The following TNFRSF11A variants were observed in gnomAD, a reference collection of about 807,000 sequenced individuals.
TNFRSF11A encodes tumor necrosis factor receptor superfamily member 11A.
In TNFRSF11A, 32 loss-of-function variants were observed where a neutral mutation model predicts 55.7. That is an observed-to-expected ratio of 0.57 (90% CI 0.43 to 0.77). TNFRSF11A has a LOEUF of 0.77. Ranked by LOEUF, TNFRSF11A falls within the 30% of genes least tolerant of loss-of-function variation. The probability of loss-of-function intolerance (pLI) is 0.00; values close to 1 mark genes in which losing one functional copy is unlikely to be tolerated. For synonymous variants in TNFRSF11A, 311 were observed against 331.0 expected (o/e 0.94, Z 0.65); for missense variants, 753 against 809.8 (o/e 0.93, Z 0.85).
intron 4 of TNFRSF11A, 52 bp from the exon 5 acceptor site, chr18:62,358,196 G>T: frequency 1.6e-5 from 25 of 1,559,740 alleles, no homozygotes; most frequent in Non-Finnish European, 2.1e-5. Flanking sequence ...AAGTGACCTC[G>T]TTTGTTTTTT....
intron 1 of TNFRSF11A, among the ~76,000 whole-genome samples, chr18:62,337,903 T>A (rs1014713516): frequency 6.6e-6 from 1 of 152,232 alleles, no homozygotes; most frequent in Non-Finnish European, 1.5e-5. Context: ...ATTGGTCGAC[T>A]TTCAGGTTGT....
chr18:62,333,224 G>T (rs1176464385), intron 1 of TNFRSF11A, among the ~76,000 whole-genome samples: 1 of 152,172 alleles, frequency 6.6e-6, no homozygotes, highest in Non-Finnish European at 1.5e-5. Flanking sequence ...ACTCTGCCCT[G>T]AAGCCAGGGG....
At chr18:62,337,845 C>G (rs1325768314) in intron 1 of TNFRSF11A, among the ~76,000 whole-genome samples, 1 of 152,276 alleles carries the variant, frequency 6.6e-6, no homozygotes, top group African/African-American at 2.4e-5. Context: ...TTGTCCCTGG[C>G]GCATAGTATG....
At chr18:62,370,226 T>C (rs762180827) in intron 9 of TNFRSF11A, among the ~76,000 whole-genome samples, 1 of 152,214 alleles carries the variant, frequency 6.6e-6, no homozygotes, top group Admixed American at 6.5e-5. Flanking sequence ...TTTTATTACA[T>C]AGTTACAAAG....
intron 9 of TNFRSF11A, among the ~76,000 whole-genome samples, chr18:62,378,410 A>G (rs1168732463): frequency 6.6e-6 from 1 of 152,240 alleles, no homozygotes; most frequent in Non-Finnish European, 1.5e-5. Context: ...CAGAGCAAAC[A>G]GAAGTTGGTT....
Position 62,386,183 on chromosome 18 carries a change from T to C in TNFRSF11A, c.*1149T>C, listed in dbSNP as rs1911719266. Reference sequence around the variant, plus strand: ...ATTCTTCTTATTCTAGAGGTCTCTCTGGAAAAGATGGAGAAAATGAACAGG... The same window carrying C: ...ATTCTTCTTATTCTAGAGGTCTCTCCGGAAAAGATGGAGAAAATGAACAGG... On this transcript the variant is annotated 3_prime_UTR_variant, in exon 10 of 10. Transcript: ENST00000586569. 1 of 152,046 alleles carries C rather than the reference T, an allele frequency of 6.6e-6. No homozygotes were observed. The highest frequency in any genetic ancestry group is 1.5e-5 in the Non-Finnish European group (1 of 68,020). The allele number at this position is 152,046 out of a possible 1,614,324, so 9.4% of individuals were successfully genotyped here.
chr18:62,360,035 G>GA lies in TNFRSF11A; in HGVS notation c.606dup (p.Pro203ThrfsTer4). ...GTTTGCAGTTCTTCTCTGCCAGCTA[G>GA]AAAACCACCAAATGGTATGTTTAAA... On this transcript the variant is annotated frameshift_variant, in exon 6 of 10. Coordinates refer to ENST00000586569, the MANE Select transcript of TNFRSF11A (RefSeq NM_003839.4). LOFTEE classifies it high-confidence loss of function. 1 of 1,613,932 alleles carries GA rather than the reference G, an allele frequency of 6.2e-7. No individual in the cohort carries two copies. Among genetic ancestry groups the GA allele is most frequent in the Non-Finnish European group, 8.5e-7 (1 of 1,179,828 alleles).
At chr18:62,339,245 GC>G (rs2046277657) in intron 1 of TNFRSF11A, among the ~76,000 whole-genome samples, 1 of 151,932 alleles carries the variant, frequency 6.6e-6, no homozygotes, top group Admixed American at 6.6e-5. Context: ...TACCTGCCCA[GC>G]CCCCCAGGCT....
In TNFRSF11A at chr18:62,330,147, A is replaced by G. The variant is rs143227860; in HGVS notation, c.75+4720A>G. Among the ~76,000 whole-genome samples, 11 of 152,338 alleles carry G rather than the reference A, an allele frequency of 7.2e-5. No homozygotes were observed. In the East Asian group the frequency reaches 2.1e-3, roughly 29 times the overall value. ...TCTGCAGTGGACTGAGGAAACAGAG[A>G]CCAAGGGCCACAGCTCCTGTCTTCA... On this transcript the variant is annotated intron_variant, in intron 1 of 9. Coordinates refer to ENST00000586569, the MANE Select transcript of TNFRSF11A (RefSeq NM_003839.4).
rs879118841 is a variant in TNFRSF11A, at chr18:62,385,354, G to GGGCC, written c.*320_*321insGGCC. 1 of 202,832 alleles carries GGGCC rather than the reference G, an allele frequency of 4.9e-6. No homozygotes were observed. Among genetic ancestry groups the GGGCC allele is most frequent in the African/African-American group, 2.9e-5 (1 of 34,718 alleles). 12.6% of individuals were successfully genotyped at this position (202,832 alleles called of 1,614,324 possible). On this transcript the variant is annotated 3_prime_UTR_variant, in exon 10 of 10. Coordinates refer to ENST00000586569, the MANE Select transcript of TNFRSF11A (RefSeq NM_003839.4). ...ACTATCCTGTTCTGTGGGGGGGGGG[G>GGGCC]TCTGTTTTCCCCCCATATTTGTATT...
At chr18:62,326,608 G>A (rs2046079740) in intron 1 of TNFRSF11A, among the ~76,000 whole-genome samples, 1 of 152,168 alleles carries the variant, frequency 6.6e-6, no homozygotes, top group African/African-American at 2.4e-5. Flanking sequence ...GCCTGACCAC[G>A]CAGTTGCAAA....
At chr18:62,373,851 G>A (rs1017471241) in intron 9 of TNFRSF11A, 10 of 152,482 alleles carry the variant, frequency 6.6e-5, no homozygotes, top group African/African-American at 2.4e-4. Flanking sequence ...TCTGTCCTCA[G>A]TCTCCGTCCC....
intron 1 of TNFRSF11A, among the ~76,000 whole-genome samples, chr18:62,347,894 ACT>A (rs1350294992): frequency 7.8e-6 from 1 of 128,138 alleles, no homozygotes; most frequent in Non-Finnish European, 1.6e-5. Context: ...ATAGAGCAAG[ACT>A]CTGTCTAAAA....
chr18:62,360,477 C>T (rs1474679971), intron 6 of TNFRSF11A, among the ~76,000 whole-genome samples: 1 of 149,948 alleles, frequency 6.7e-6, no homozygotes, highest in Non-Finnish European at 1.5e-5. Context: ...GATAGAGTGT[C>T]ACTCTGCCAC....
intron 9 of TNFRSF11A, among the ~76,000 whole-genome samples, chr18:62,377,157 C>G (rs1357988217): frequency 6.6e-6 from 1 of 152,190 alleles, no homozygotes; most frequent in Non-Finnish European, 1.5e-5. Flanking sequence ...CCTTGAGAGT[C>G]GCCCGCCTCG....
intron 9 of TNFRSF11A, among the ~76,000 whole-genome samples, chr18:62,373,145 T>C (rs1322645073): frequency 6.6e-6 from 1 of 152,176 alleles, no homozygotes; most frequent in Admixed American, 6.5e-5. Flanking sequence ...ACCCCAGCTC[T>C]AGGCAGCCAC....
chr18:62,390,939 G>T lies in TNFRSF11A; in HGVS notation c.*5905G>T, dbSNP rs1319816237. The T allele has an allele frequency of 6.6e-6, 1 of 152,128 alleles. No homozygotes were observed. Among genetic ancestry groups the T allele is most frequent in the East Asian group, 1.9e-4 (1 of 5,204 alleles). The allele number at this position is 152,128 out of a possible 1,614,324, so 9.4% of individuals were successfully genotyped here. On this transcript the variant is annotated 3_prime_UTR_variant, in exon 10 of 10. Coordinates refer to ENST00000586569, the MANE Select transcript of TNFRSF11A (RefSeq NM_003839.4). ...TGAGTTTTAACAAAAATACATAGTT[G>T]TGTAACCACCACCATCACAATCAAG...
intron 9 of TNFRSF11A, among the ~76,000 whole-genome samples, chr18:62,382,558 T>C (rs1911367587): frequency 6.6e-6 from 1 of 152,212 alleles, no homozygotes; most frequent in Non-Finnish European, 1.5e-5. Context: ...CCTTTCTCAC[T>C]TCTCTGTGGC....
At chr18:62,352,826 A>G (rs2046493232) in intron 3 of TNFRSF11A, among the ~76,000 whole-genome samples, 1 of 152,162 alleles carries the variant, frequency 6.6e-6, no homozygotes, top group Non-Finnish European at 1.5e-5. Flanking sequence ...GGGTCTATAA[A>G]GATTGGAAAT....
Sources: allele counts gnomAD v4.1 joint callset (sites outside exome capture counted in the v4.1 genomes callset), GRCh38; gene constraint gnomAD v4.1.1; transcripts MANE v1.5; gene names NCBI Gene and HGNC (gene_info 2026-07-23, HGNC 2026-07-21).